MMP16: variants seen among roughly 807,000 people sequenced by gnomAD.
MMP16 encodes matrix metallopeptidase 16.
Under a neutral mutation model 67.8 loss-of-function variants are expected in MMP16, and 12 were observed. The observed-to-expected ratio is 0.18, with a 90% CI of 0.11 to 0.29. MMP16 has a LOEUF of 0.29. Ranked by LOEUF, MMP16 falls within the 10% of genes least tolerant of loss-of-function variation. MMP16 has a pLI of 1.00. For missense variants in MMP16, 475 were observed against 765.7 expected, an observed-to-expected ratio of 0.62 and a Z score of 4.48; for synonymous variants, 249 against 255.9, an observed-to-expected ratio of 0.97 and a Z score of 0.26.
chr8:88,224,646 T>C (rs1396843995), intron 1 of MMP16, among the ~76,000 whole-genome samples: 1 of 152,046 alleles, frequency 6.6e-6, no homozygotes, highest in Non-Finnish European at 1.5e-5. Flanking sequence ...GCAAGTAACC[T>C]ATGCTTGAAC....
At chr8:88,304,521 G>GA (rs1811183276) in intron 1 of MMP16, among the ~76,000 whole-genome samples, 1 of 152,212 alleles carries the variant, frequency 6.6e-6, no homozygotes, top group Non-Finnish European at 1.5e-5. Context: ...TGAAATGACA[G>GA]AAAAAATGTT....
chr8:88,281,532 C>A (rs1040514716), intron 1 of MMP16, among the ~76,000 whole-genome samples: 1 of 152,300 alleles, frequency 6.6e-6, no homozygotes, highest in South Asian at 2.1e-4. Context: ...AATATCAGAA[C>A]CAAATTAAAA....
intron 1 of MMP16, among the ~76,000 whole-genome samples, chr8:88,319,787 C>T (rs758162150): frequency 7.9e-5 from 12 of 151,730 alleles, no homozygotes; most frequent in South Asian, 2.1e-4. Context: ...TTAACTTAAA[C>T]GGGGCTAAAA....
chr8:88,321,561 C>A (rs941569153), intron 1 of MMP16, among the ~76,000 whole-genome samples: 1 of 152,144 alleles, frequency 6.6e-6, no homozygotes, highest in Non-Finnish European at 1.5e-5. Flanking sequence ...AATGGAACAT[C>A]CTTTGGAACT....
intron 1 of MMP16, among the ~76,000 whole-genome samples, chr8:88,279,380 G>T (rs1475377730): frequency 6.6e-6 from 1 of 152,022 alleles, no homozygotes; most frequent in Non-Finnish European, 1.5e-5. Flanking sequence ...ATGGTTAATA[G>T]AATGTTTGAA....
intron 4 of MMP16, among the ~76,000 whole-genome samples, chr8:88,122,604 A>G (rs1807857941): frequency 6.6e-6 from 1 of 151,932 alleles, no homozygotes; most frequent in African/African-American, 2.4e-5. Flanking sequence ...CAAACATGTG[A>G]TTAGTAGAAA....
In MMP16 at chr8:88,257,914, C is replaced by A. The variant is rs1458734224; in HGVS notation, c.133-60608G>T. 7.9e-5 allele frequency among the ~76,000 whole-genome samples: 12 copies of A among 152,042 alleles called. No individual in the cohort carries two copies. The East Asian group carries it at 2.3e-3, about 29-fold the overall frequency. Reference sequence around the variant, plus strand: ...TCAGTTGGTCAGTTAAGTTACTTTTCAACTCTGAAATAAAAAATGCTTTCT... The same window carrying A: ...TCAGTTGGTCAGTTAAGTTACTTTTAAACTCTGAAATAAAAAATGCTTTCT... On this transcript the variant is annotated intron_variant, in intron 1 of 9. Transcript: ENST00000286614.
Position 88,312,569 on chromosome 8 carries a change from T to C in MMP16, c.132+14506A>G, listed in dbSNP as rs571316669. ...GCCAGGAAAATTAACATATCCATTA[T>C]CAGCAAAAGTCTTCTCTGGACTCTA... On this transcript the variant is annotated intron_variant, in intron 1 of 9. Transcript: ENST00000286614. 4.6e-5 allele frequency among the ~76,000 whole-genome samples: 7 copies of C among 152,306 alleles called. No individual in the cohort carries two copies. The East Asian group carries it at 1.4e-3, about 29-fold the overall frequency.
intron 1 of MMP16, among the ~76,000 whole-genome samples, chr8:88,200,369 T>A (rs997357738): frequency 6.6e-6 from 1 of 152,038 alleles, no homozygotes; most frequent in East Asian, 1.9e-4. Context: ...AGGCAAACTT[T>A]GACTCTTTAC....
chr8:88,212,438 A>T (rs1279938882), intron 1 of MMP16, among the ~76,000 whole-genome samples: 1 of 152,206 alleles, frequency 6.6e-6, no homozygotes, highest in Non-Finnish European at 1.5e-5. Context: ...AACAGTAGAT[A>T]AAAATTATAT....
chr8:88,196,063 T>C (rs1185012821), intron 2 of MMP16, among the ~76,000 whole-genome samples: 1 of 152,208 alleles, frequency 6.6e-6, no homozygotes, highest in East Asian at 1.9e-4. Flanking sequence ...GTATGTCTTT[T>C]CTCAAGGTAT....
chr8:88,097,472 A>C (rs1163297094), intron 6 of MMP16, among the ~76,000 whole-genome samples: 1 of 151,548 alleles, frequency 6.6e-6, no homozygotes, highest in Admixed American at 6.6e-5. Context: ...CAAAAAATAC[A>C]AAAATTAGCC....
chr8:88,320,618 G>A (rs1043093693), intron 1 of MMP16, among the ~76,000 whole-genome samples: 3 of 152,030 alleles, frequency 2.0e-5, no homozygotes, highest in Admixed American at 6.6e-5. Context: ...ATCTTAAATC[G>A]TGAACTGTGT....
chr8:88,094,609 T>C (rs1808995258), intron 6 of MMP16, among the ~76,000 whole-genome samples: 1 of 151,564 alleles, frequency 6.6e-6, no homozygotes, highest in Non-Finnish European at 1.5e-5. Flanking sequence ...TTATAAAATA[T>C]TTTATAAAAT....
In MMP16 at chr8:88,071,422, TA is replaced by T. The variant is rs547337519; in HGVS notation, c.1222+3182del. 2.7e-3 allele frequency among the ~76,000 whole-genome samples: 413 copies of T among 151,690 alleles called. 1 individual carries two copies. The highest frequency in any genetic ancestry group is 4.6e-3 in the Non-Finnish European group (309 of 67,894). On this transcript the variant is annotated intron_variant, in intron 7 of 9. Transcript: ENST00000286614. ...TATCCAAACATGGACTTTAGTTAAA[TA>T]GGGGAATAAAAGACAAAGCTTCTCA...
chr8:88,086,256 C>T (rs1808832214), intron 6 of MMP16, among the ~76,000 whole-genome samples: 2 of 151,716 alleles, frequency 1.3e-5, no homozygotes, highest in Admixed American at 6.6e-5. Context: ...AAAAGTTTAC[C>T]ATCGATGTAC....
In MMP16 at chr8:88,040,131, A is replaced by T. The variant is rs1443195162; in HGVS notation, c.*1330T>A. On this transcript the variant is annotated 3_prime_UTR_variant, in exon 10 of 10. Transcript: ENST00000286614. ...ATGGATTTTAAAACAGAAATTCAGT[A>T]TGCCTAAAAAAAAGAAAAGAAGACT... 1 of 152,642 alleles carries T rather than the reference A, an allele frequency of 6.6e-6. No individual in the cohort carries two copies. The highest frequency in any genetic ancestry group is 2.1e-4 in the South Asian group (1 of 4,828). 9.5% of individuals were successfully genotyped at this position (152,642 alleles called of 1,614,324 possible).
rs28906382 is a variant in MMP16, at chr8:88,093,961, C to A, written c.1084-19218G>T. On this transcript the variant is annotated intron_variant, in intron 6 of 9. Transcript: ENST00000286614. Reference sequence around the variant, plus strand: ...TCTACATGCTATATCAGAATTGGCCCAACACCCACATTGAATTCTCACATT... The same window carrying A: ...TCTACATGCTATATCAGAATTGGCCAAACACCCACATTGAATTCTCACATT... 6.6e-5 allele frequency among the ~76,000 whole-genome samples: 10 copies of A among 151,842 alleles called. No homozygotes were observed. In the East Asian group the frequency reaches 1.6e-3, roughly 24 times the overall value.
chr8:88,177,368 T>C (rs1202206767), intron 3 of MMP16, among the ~76,000 whole-genome samples: 4 of 152,200 alleles, frequency 2.6e-5, no homozygotes, highest in Non-Finnish European at 5.9e-5. Context: ...AGTAAGGTCA[T>C]AGGGCAAAAT....
Sources: allele counts gnomAD v4.1 joint callset (sites outside exome capture counted in the v4.1 genomes callset), GRCh38; gene constraint gnomAD v4.1.1; transcripts MANE v1.5; gene names NCBI Gene and HGNC (gene_info 2026-07-23, HGNC 2026-07-21).